Variants in CCDC171 observed in about 807,000 individuals in gnomAD.
CCDC171 encodes the protein coiled-coil domain-containing protein 171.
In CCDC171, 177 loss-of-function variants were observed where a neutral mutation model predicts 168.2. The ratio of observed to expected loss-of-function variants is 1.05; its 90% CI spans 0.93 to 1.19. The LOEUF is 1.19. Ranked by LOEUF, CCDC171 falls within the 50% of genes most tolerant of loss-of-function variation. The pLI is 0.00. For synonymous variants in CCDC171, 687 were observed against 540.8 expected (o/e 1.27, Z -3.75); for missense variants, 1,991 against 1,539.0 (o/e 1.29, Z -4.91).
chr9:16,006,642 T>C (rs2132968448), intron 3 of CCDC171, among the ~76,000 whole-genome samples: 1 of 150,628 alleles, frequency 6.6e-6, no homozygotes, highest in South Asian at 2.1e-4. Context: ...CCATGTGTTC[T>C]CATTGTTCAA....
intron 3 of CCDC171, among the ~76,000 whole-genome samples, chr9:16,004,627 C>T (rs148056613): frequency 7.9e-5 from 12 of 152,290 alleles, no homozygotes; most frequent in Middle Eastern, 3.4e-3. Context: ...TGCAGTTCAC[C>T]GAATGCCCCG....
chr9:15,693,440 C>G (rs2050973429), intron 10 of CCDC171, among the ~76,000 whole-genome samples: 1 of 149,796 alleles, frequency 6.7e-6, no homozygotes, highest in Non-Finnish European at 1.5e-5. Flanking sequence ...TAGGTGTTGC[C>G]TAGGGGAAAC....
intron 21 of CCDC171, among the ~76,000 whole-genome samples, chr9:15,787,767 C>G (rs2058045354): frequency 6.6e-6 from 1 of 152,084 alleles, no homozygotes; most frequent in African/African-American, 2.4e-5. Context: ...CAACTTTGGC[C>G]CTACCTGGCT....
At chr9:16,095,599 G>A in the CCDC171 span, among the ~76,000 whole-genome samples, 1,751 of 151,906 alleles carry the variant, frequency 0.012, 35 homozygotes, top group African/African-American at 0.04. Flanking sequence ...AAAACTGTGA[G>A]TTATTAGGAT....
rs78105805 is a variant in CCDC171, at chr9:15,813,228, T to C, written c.3267+28534T>C. The stretch of plus-strand genomic sequence containing the variant: ...ATATTGGTTATATGGTTATGGAAAT[T>C]TCCCATGTACAATAACTCTATATTG... On this transcript the variant is annotated intron_variant, in intron 21 of 25. Coordinates refer to ENST00000380701, the MANE Select transcript of CCDC171 (RefSeq NM_173550.4). Among the ~76,000 whole-genome samples, 1,181 of 152,336 alleles carry C rather than the reference T, an allele frequency of 7.8e-3. 12 individuals are homozygous for C. The highest frequency in any genetic ancestry group is 0.027 in the African/African-American group (1,124 of 41,568).
chr9:16,051,548 T>C (rs1314244044), intron 1 of CCDC171, among the ~76,000 whole-genome samples: 4 of 152,192 alleles, frequency 2.6e-5, no homozygotes, highest in African/African-American at 9.7e-5. Flanking sequence ...TGGCCAGCTT[T>C]GAGGTACGAC....
At chr9:15,643,150 T>G (rs2046773939) in intron 7 of CCDC171, among the ~76,000 whole-genome samples, 1 of 152,128 alleles carries the variant, frequency 6.6e-6, no homozygotes, top group Non-Finnish European at 1.5e-5. Flanking sequence ...GTTTGTGAGA[T>G]TTTGGTCCTT....
chr9:15,919,327 A>T (rs1266154656), intron 24 of CCDC171, among the ~76,000 whole-genome samples: 2 of 151,674 alleles, frequency 1.3e-5, no homozygotes, highest in Non-Finnish European at 3.0e-5. Context: ...TATTTTTCAC[A>T]TGCATTCACA....
At chr9:15,813,471 A>G (rs1417972275) in intron 21 of CCDC171, among the ~76,000 whole-genome samples, 2 of 152,164 alleles carry the variant, frequency 1.3e-5, no homozygotes, top group African/African-American at 4.8e-5. Context: ...TTTTGGCTAT[A>G]GCATCTAACT....
chr9:16,014,323 G>A (rs550631338), intron 3 of CCDC171, among the ~76,000 whole-genome samples: 5 of 152,232 alleles, frequency 3.3e-5, no homozygotes, highest in East Asian at 1.9e-4. Flanking sequence ...TTCAGGTTCC[G>A]TTTCTAATTT....
At chr9:16,093,588 G>T in the CCDC171 span, among the ~76,000 whole-genome samples, 1 of 152,218 alleles carries the variant, frequency 6.6e-6, no homozygotes, top group Non-Finnish European at 1.5e-5. Context: ...AAGAAGAAGT[G>T]CATTGATTTC....
chr9:15,879,755 GTTA>G (rs1359607595), intron 24 of CCDC171, among the ~76,000 whole-genome samples: 2 of 152,034 alleles, frequency 1.3e-5, no homozygotes, highest in Admixed American at 6.6e-5. Context: ...TGAGTTTTTG[GTTA>G]TTATGAATAA....
At chr9:15,570,936 G>A (rs1587037032) in intron 2 of CCDC171, among the ~76,000 whole-genome samples, 2 of 152,166 alleles carry the variant, frequency 1.3e-5, no homozygotes, top group South Asian at 4.1e-4. Flanking sequence ...AAAGAGATAG[G>A]TACCCAGTTG....
intron 4 of CCDC171, among the ~76,000 whole-genome samples, chr9:15,587,379 A>G (rs1587172600): frequency 6.6e-6 from 1 of 152,180 alleles, no homozygotes; most frequent in East Asian, 1.9e-4. Context: ...GGTTTTAAAA[A>G]TGGGAGTTTC....
At chr9:15,723,906 A>G (rs1588146965) in intron 13 of CCDC171, among the ~76,000 whole-genome samples, 160 bp downstream of exon 13, 2 of 152,184 alleles carry the variant, frequency 1.3e-5, no homozygotes, top group African/African-American at 4.8e-5. Flanking sequence ...GATTAAGAGT[A>G]ACAAGAATGT....
chr9:15,613,655 T>C lies in CCDC171; in HGVS notation c.676-9612T>C, dbSNP rs2043873004. Among the ~76,000 whole-genome samples, 2 of 152,044 alleles carry C rather than the reference T, an allele frequency of 1.3e-5. 1 individual carries two copies. Among genetic ancestry groups the C allele is most frequent in the South Asian group, 4.1e-4 (2 of 4,824 alleles). ...CTCCTGCCTCAGCCTCCCAAGTAGC[T>C]GGGATTACAGGCATGCGCCACCATG... is the stretch of plus-strand genomic sequence containing the variant. On this transcript the variant is annotated intron_variant, in intron 6 of 25. Transcript: ENST00000380701.
chr9:15,982,486 G>C (rs1831831029), intron 3 of CCDC171, among the ~76,000 whole-genome samples: 1 of 152,148 alleles, frequency 6.6e-6, no homozygotes, highest in African/African-American at 2.4e-5. Flanking sequence ...GTAGTTTGAT[G>C]ATGAGGCACC....
intron 7 of CCDC171, among the ~76,000 whole-genome samples, chr9:15,655,815 TGTCATTA>T (rs906854659): frequency 1.8e-4 from 28 of 152,182 alleles, no homozygotes; most frequent in South Asian, 4.1e-4. Flanking sequence ...AGATGCTCAG[TGTCATTA>T]GTCATTGGGG....
chr9:15,652,393 A>G (rs891371276), intron 7 of CCDC171, among the ~76,000 whole-genome samples: 4 of 151,754 alleles, frequency 2.6e-5, no homozygotes, highest in South Asian at 2.1e-4. Context: ...CTGTGGATCT[A>G]TATGAATCTA....
Sources: allele counts gnomAD v4.1 joint callset (sites outside exome capture counted in the v4.1 genomes callset), GRCh38; gene constraint gnomAD v4.1.1; transcripts MANE v1.5; gene names NCBI Gene and HGNC (gene_info 2026-07-23, HGNC 2026-07-21).